Variants in TSFM observed in about 807,000 individuals in gnomAD.
TSFM encodes the protein Ts translation elongation factor, mitochondrial, also known as elongation factor Ts, mitochondrial.
Under a neutral mutation model 33.4 loss-of-function variants are expected in TSFM, and 29 were observed. That is an observed-to-expected ratio of 0.87 (90% CI 0.65 to 1.18). The LOEUF (loss-of-function observed/expected upper bound fraction) is 1.18. TSFM is among the 50% of genes most tolerant of loss of function. The pLI is 0.00. For missense variants in TSFM, 394 were observed against 395.6 expected (o/e 1.00, Z 0.04); for synonymous variants, 178 against 163.5 (o/e 1.09, Z -0.68).
chr12:57,796,043 C>G, intron 5 of TSFM, 134 bp from the exon 6 acceptor site: 2 of 771,100 alleles, frequency 2.6e-6, no homozygotes, highest in Non-Finnish European at 4.0e-6. Context: ...AATGGTATCT[C>G]TTCATCTTAC....
intron 2 of TSFM, chr12:57,783,813 G>A (rs1955549747): frequency 1.6e-6 from 1 of 616,166 alleles, no homozygotes; most frequent in South Asian, 1.9e-5. Flanking sequence ...ATGGGGTTTC[G>A]CCGTGTCGGC....
intron 2 of TSFM, 78 bp downstream of exon 2, chr12:57,783,361 A>T: frequency 6.5e-7 from 1 of 1,534,594 alleles, no homozygotes; most frequent in Non-Finnish European, 9.0e-7. Context: ...TGGGGAGCAT[A>T]AAGTTAGACT....
downstream of TSFM, chr12:57,802,568 A>T (rs1955872176): frequency 1.4e-6 from 1 of 724,238 alleles, no homozygotes; most frequent in Non-Finnish European, 2.5e-6. Context: ...TGCCTTTCCA[A>T]ATTGGAGCTG....
downstream of TSFM, chr12:57,797,789 ATGTC>A (rs1955765618): frequency 2.0e-6 from 2 of 1,024,928 alleles, no homozygotes; most frequent in Non-Finnish European, 2.7e-6. Flanking sequence ...AAGTAGCTGA[ATGTC>A]AGGCAGAAAT....
downstream of TSFM, among the ~76,000 whole-genome samples, chr12:57,798,182 C>T (rs1044419768): frequency 3.9e-5 from 6 of 152,164 alleles, no homozygotes; most frequent in African/African-American, 1.4e-4. Context: ...GTCAGGGAGT[C>T]CCATTTTGGC....
chr12:57,791,210 A>G (rs1458462720), intron 4 of TSFM, among the ~76,000 whole-genome samples: 1 of 152,042 alleles, frequency 6.6e-6, no homozygotes, highest in Non-Finnish European at 1.5e-5. Context: ...GGGTTTCACC[A>G]TGTTGGCCAG....
rs1955548444 is a variant in TSFM at position 57,783,749 on chromosome 12, A to G, written c.231+466A>G. 1.0e-5 allele frequency: 6 copies of G among 574,214 alleles called. No homozygotes were observed. In the South Asian group the frequency reaches 1.2e-4, roughly 11 times the overall value. The allele number at this position is 574,214 out of a possible 1,614,324, so 35.6% of individuals were successfully genotyped here. ...GTTGGGATTACAGGCGTGCGCCACG[A>G]CACCCGGCTATTTTATTTTTTATTT... On this transcript the variant is annotated intron_variant, in intron 2 of 5. Coordinates refer to ENST00000652027, the MANE Select transcript of TSFM (RefSeq NM_005726.6).
chr12:57,795,189 C>T lies in TSFM; in HGVS notation c.572-988C>T, dbSNP rs1955716986. On this transcript the variant is annotated intron_variant, in intron 5 of 5. Transcript: ENST00000652027. ...ATCTCGCTCGCTGTAACCTCTGCTG[C>T]CCAGGTTCAAGCAATTCCTCTGCCT... Among the ~76,000 whole-genome samples the T allele has an allele frequency of 2.0e-5, 3 of 151,430 alleles. No homozygotes were observed. The South Asian group carries it at 6.2e-4, about 32-fold the overall frequency.
chr12:57,800,026 C>T (rs1955815667), downstream of TSFM: 4 of 1,406,540 alleles, frequency 2.8e-6, no homozygotes, highest in Non-Finnish European at 2.9e-6. Context: ...TGCCACTTCA[C>T]CCTCTGTAAT....
rs1955531380 is a variant in TSFM at position 57,782,898 on chromosome 12, C to CA, written c.57+41dup. On this transcript the variant is annotated intron_variant, in intron 1 of 5. Coordinates refer to ENST00000652027, the MANE Select transcript of TSFM (RefSeq NM_005726.6). ...TGCTGGTACCGACCTGCTGTCCCTG[C>CA]AGCTCTCCTGTGCGCCTGTACCTTT... The CA allele has an allele frequency of 2.6e-6, 4 of 1,562,376 alleles. No homozygotes were observed. In the East Asian group the frequency reaches 9.5e-5, roughly 37 times the overall value.
At chr12:57,801,307 C>T, downstream of TSFM, 1 of 972,852 alleles carries the variant, frequency 1.0e-6, no homozygotes, top group South Asian at 1.5e-5. Flanking sequence ...AGCAAAAGAG[C>T]CAGGGAGTCA....
At chr12:57,784,813 G>A (rs1331463972) in intron 2 of TSFM, among the ~76,000 whole-genome samples, 1 of 151,698 alleles carries the variant, frequency 6.6e-6, no homozygotes, top group African/African-American at 2.4e-5. Context: ...CCAAAAGGCG[G>A]AGGTTGTGGT....
At chr12:57,788,526 C>G (rs1220488394) in intron 4 of TSFM, among the ~76,000 whole-genome samples, 1 of 152,196 alleles carries the variant, frequency 6.6e-6, no homozygotes, top group Non-Finnish European at 1.5e-5. Context: ...ATTCGCCCGC[C>G]TCCGCCTCCC....
chr12:57,799,606 G>C (rs1955805091), downstream of TSFM, among the ~76,000 whole-genome samples: 1 of 152,194 alleles, frequency 6.6e-6, no homozygotes, highest in African/African-American at 2.4e-5. Context: ...CTAGCTGATA[G>C]ACTGATGTAG....
downstream of TSFM, chr12:57,802,089 A>G (rs1341922078): frequency 2.6e-6 from 4 of 1,529,974 alleles, no homozygotes; most frequent in Non-Finnish European, 3.6e-6. Context: ...TCAGTACTCC[A>G]CCTTCCTGCC....
In TSFM at chr12:57,793,034, A is replaced by G. The variant is rs145042825; in HGVS notation, c.532A>G (p.Arg178Gly). 20 of 1,613,878 alleles carry G rather than the reference A, an allele frequency of 1.2e-5. No individual in the cohort carries two copies. The highest frequency in any genetic ancestry group is 4.0e-5 in the African/African-American group (3 of 75,064). Residue 178 changes from arginine to glycine, a missense_variant, in exon 5 of 6, where the codon AGA becomes GGA. Physicochemically the swap from Arg to Gly is moderately radical, Grantham distance 125. Transcript: ENST00000652027. ...ELSGLPAGPD[R>G]EGSLKDQLAL... ...TTCTGGACTTCCAGCTGGGCCTGAC[A>G]GAGAAGGCTCACTCAAGGATCAGTT... is the stretch of plus-strand genomic sequence containing the variant.
In TSFM at chr12:57,789,210, C is replaced by G. The variant is rs140160712; in HGVS notation, c.483+2048C>G. ...GACTCCTGACCTCAGGTGATCTGCC[C>G]ACCTGGGCCTCCCAAAGTGCTGGGA... is the stretch of plus-strand genomic sequence containing the variant. On this transcript the variant is annotated intron_variant, in intron 4 of 5. Coordinates refer to ENST00000652027, the MANE Select transcript of TSFM (RefSeq NM_005726.6). Among the ~76,000 whole-genome samples, 588 of 151,982 alleles carry G rather than the reference C, an allele frequency of 3.9e-3. 4 individuals carry two copies. Among genetic ancestry groups the G allele is most frequent in the African/African-American group, 0.013 (546 of 41,448 alleles).
intron 2 of TSFM, chr12:57,783,664 G>A: frequency 3.4e-6 from 2 of 584,678 alleles, no homozygotes; most frequent in Non-Finnish European, 3.2e-6. Flanking sequence ...CACGATGTTG[G>A]CTCACTGCAA....
intron 4 of TSFM, among the ~76,000 whole-genome samples, chr12:57,789,019 A>G (rs2140419918): frequency 6.8e-6 from 1 of 147,326 alleles, no homozygotes; most frequent in East Asian, 2.0e-4. Flanking sequence ...GCTGGAGTGC[A>G]ATGGTGCCAT....
Sources: allele counts gnomAD v4.1 joint callset (sites outside exome capture counted in the v4.1 genomes callset), GRCh38; gene constraint gnomAD v4.1.1; transcripts MANE v1.5; gene names NCBI Gene and HGNC (gene_info 2026-07-23, HGNC 2026-07-21).